The following NXPH1 variants were observed in gnomAD, a reference collection of about 807,000 sequenced individuals.
NXPH1 encodes the protein neurexophilin-1.
A neutral mutation model predicts 23.7 loss-of-function variants in NXPH1; 5 were observed. The ratio of observed to expected loss-of-function variants is 0.21; its 90% CI spans 0.11 to 0.44. The LOEUF is 0.44. NXPH1 is among the 20% of genes least tolerant of loss of function. NXPH1 has a pLI of 0.99. For synonymous variants in NXPH1, 144 were observed against 122.2 expected, an observed-to-expected ratio of 1.18 and a Z score of -1.18; for missense variants, 324 against 321.6, an observed-to-expected ratio of 1.01 and a Z score of -0.06.
intron 2 of NXPH1, among the ~76,000 whole-genome samples, chr7:8,664,363 C>T (rs1820727684): frequency 6.6e-6 from 1 of 152,076 alleles, no homozygotes; most frequent in South Asian, 2.1e-4. Flanking sequence ...TTCACATGTG[C>T]CTCAACTGCT....
intron 2 of NXPH1, among the ~76,000 whole-genome samples, chr7:8,617,379 C>T (rs1034460732): frequency 1.3e-5 from 2 of 151,972 alleles, no homozygotes; most frequent in Admixed American, 1.3e-4. Context: ...TCACTGTTTA[C>T]AATAGCTAAG....
chr7:8,732,399 C>G (rs899024376), intron 2 of NXPH1, among the ~76,000 whole-genome samples: 1 of 152,198 alleles, frequency 6.6e-6, no homozygotes, highest in African/African-American at 2.4e-5. Context: ...CAGAGTTGCA[C>G]TTTGACTTTA....
chr7:8,601,835 G>C (rs1583184725), intron 2 of NXPH1, among the ~76,000 whole-genome samples: 1 of 152,302 alleles, frequency 6.6e-6, no homozygotes, highest in Non-Finnish European at 1.5e-5. Flanking sequence ...GGACCAGACT[G>C]CAGGATATTC....
At chr7:8,680,687 A>G (rs1055154691) in intron 2 of NXPH1, among the ~76,000 whole-genome samples, 2 of 152,250 alleles carry the variant, frequency 1.3e-5, no homozygotes, top group African/African-American at 4.8e-5. Context: ...TAGAATTATT[A>G]TGCAATGATC....
At chr7:8,586,000 G>T (rs771735227) in intron 2 of NXPH1, among the ~76,000 whole-genome samples, 27 of 152,258 alleles carry the variant, frequency 1.8e-4, no homozygotes, top group Admixed American at 7.8e-4. Flanking sequence ...GCTCAGTGTG[G>T]AACAGACATC....
At chr7:8,560,333 C>T (rs1818422324) in intron 2 of NXPH1, among the ~76,000 whole-genome samples, 1 of 151,606 alleles carries the variant, frequency 6.6e-6, no homozygotes, top group Admixed American at 6.6e-5. Flanking sequence ...ATTTGAAAAC[C>T]AGAGTAGCTG....
At chr7:8,441,514 C>T (rs575070646) in intron 2 of NXPH1, among the ~76,000 whole-genome samples, 1 of 152,108 alleles carries the variant, frequency 6.6e-6, no homozygotes, top group South Asian at 2.1e-4. Flanking sequence ...TAAAAAGGTT[C>T]CGTTGTAAGG....
intron 2 of NXPH1, among the ~76,000 whole-genome samples, chr7:8,667,876 C>T (rs1287607101): frequency 1.3e-5 from 2 of 151,772 alleles, no homozygotes; most frequent in African/African-American, 2.4e-5. Flanking sequence ...TCCTTTTCAT[C>T]CTCTTTTCTT....
intron 2 of NXPH1, among the ~76,000 whole-genome samples, chr7:8,663,044 C>T (rs899096141): frequency 7.9e-5 from 12 of 151,888 alleles, no homozygotes; most frequent in East Asian, 7.7e-4. Context: ...AATATTTTGG[C>T]GTGTTGGGAG....
intron 2 of NXPH1, among the ~76,000 whole-genome samples, chr7:8,515,990 T>C (rs1177577574): frequency 6.6e-6 from 1 of 152,140 alleles, no homozygotes; most frequent in African/African-American, 2.4e-5. Context: ...CTGGTGTGCA[T>C]GCACCAACTT....
chr7:8,657,356 A>G (rs1012857773), intron 2 of NXPH1, among the ~76,000 whole-genome samples: 3 of 152,192 alleles, frequency 2.0e-5, no homozygotes, highest in Non-Finnish European at 4.4e-5. Context: ...ATTTTGTAAG[A>G]TATTTTGAAA....
chr7:8,440,407 C>T (rs527609330), intron 2 of NXPH1, among the ~76,000 whole-genome samples: 3 of 152,312 alleles, frequency 2.0e-5, no homozygotes, highest in South Asian at 2.1e-4. Flanking sequence ...CCAACTTTCT[C>T]AGCGGTATTT....
At position 8,542,431 on chromosome 7, in the gene NXPH1, G is replaced by A. The variant is rs138590067; in HGVS notation, c.54+106664G>A. Among the ~76,000 whole-genome samples the A allele has an allele frequency of 6.6e-4, 100 of 151,520 alleles. No homozygotes were observed. In the East Asian group the frequency reaches 0.016, roughly 24 times the overall value. ...ATAGAACAAGTAAGCAAAAAAAATC[G>A]TAAACTATATGGAATATTTGAACAA... On this transcript the variant is annotated intron_variant, in intron 2 of 2. Transcript: ENST00000405863.
chr7:8,528,529 C>A (rs758687928), intron 2 of NXPH1, among the ~76,000 whole-genome samples: 1 of 152,212 alleles, frequency 6.6e-6, no homozygotes, highest in Non-Finnish European at 1.5e-5. Context: ...ATTGAATCGT[C>A]TGTCTTGTTT....
In NXPH1 at chr7:8,510,966, C is replaced by T. The variant is rs1011926798; in HGVS notation, c.54+75199C>T. Among the ~76,000 whole-genome samples the T allele has an allele frequency of 3.3e-5, 5 of 152,040 alleles. 1 individual carries two copies. The highest frequency in any genetic ancestry group is 7.4e-5 in the Non-Finnish European group (5 of 67,988). On this transcript the variant is annotated intron_variant, in intron 2 of 2. Coordinates refer to ENST00000405863, the MANE Select transcript of NXPH1 (RefSeq NM_152745.3). ...TTGGGAAATAAATACCTGTAGTATG[C>T]TGCTACTAGTCTGATCTTCTCTGCT...
At position 8,670,153 on chromosome 7, in the gene NXPH1, G is replaced by A. The variant is rs73068825; in HGVS notation, c.55-80855G>A. Among the ~76,000 whole-genome samples the A allele has an allele frequency of 4.9e-3, 752 of 152,260 alleles. 1 individual carries two copies. Among genetic ancestry groups the A allele is most frequent in the Non-Finnish European group, 7.4e-3 (505 of 68,020 alleles). The stretch of plus-strand genomic sequence containing the variant: ...ATTTGGAATGGCTGCTGCATCTTTT[G>A]AGATGAACTTCCCTCTGCCTTTGAT... On this transcript the variant is annotated intron_variant, in intron 2 of 2. Transcript: ENST00000405863.
At chr7:8,464,107 C>G (rs1299388253) in intron 2 of NXPH1, among the ~76,000 whole-genome samples, 1 of 152,018 alleles carries the variant, frequency 6.6e-6, no homozygotes, top group Non-Finnish European at 1.5e-5. Flanking sequence ...TGCTCTTTGT[C>G]CTTCACTCCT....
chr7:8,705,545 G>A lies in NXPH1; in HGVS notation c.55-45463G>A, dbSNP rs368877227. 5.3e-4 allele frequency among the ~76,000 whole-genome samples: 81 copies of A among 152,208 alleles called. 1 individual carries two copies. Among genetic ancestry groups the A allele is most frequent in the African/African-American group, 1.8e-3 (75 of 41,540 alleles). ...ATGTCCTCATTTTATTTCCTTGGTC[G>A]TATTTTGAAGAAGATATATGTATCT... is the stretch of plus-strand genomic sequence containing the variant. On this transcript the variant is annotated intron_variant, in intron 2 of 2. Transcript: ENST00000405863.
chr7:8,549,578 A>C (rs1818248134), intron 2 of NXPH1, among the ~76,000 whole-genome samples: 1 of 151,558 alleles, frequency 6.6e-6, no homozygotes, highest in Non-Finnish European at 1.5e-5. Flanking sequence ...AGAGAGAATT[A>C]CTTATAAACA....
Sources: allele counts gnomAD v4.1 joint callset (sites outside exome capture counted in the v4.1 genomes callset), GRCh38; gene constraint gnomAD v4.1.1; transcripts MANE v1.5; gene names NCBI Gene and HGNC (gene_info 2026-07-23, HGNC 2026-07-21).